The following ATG9A variants were observed in gnomAD, a reference collection of about 807,000 sequenced individuals.
The protein encoded by ATG9A is autophagy related 9A, also known as autophagy-related protein 9A.
In ATG9A, 21 loss-of-function variants were observed where a neutral mutation model predicts 87.1. The ratio of observed to expected loss-of-function variants is 0.24; its 90% CI spans 0.17 to 0.35. The LOEUF (loss-of-function observed/expected upper bound fraction) is 0.35. Among genes scored for constraint, ATG9A ranks in the 10% least tolerant of loss-of-function variants. ATG9A has a pLI of 1.00. For synonymous variants in ATG9A, 422 were observed against 441.3 expected (o/e 0.96, Z 0.55); for missense variants, 836 against 1,107.3 (o/e 0.76, Z 3.48).
Position 219,224,809 on chromosome 2 carries a change from C to T in ATG9A, c.562G>A (p.Val188Met), listed in dbSNP as rs201418627. The change falls in exon 8 of 16, where the codon GTG (valine) becomes ATG (methionine). Residue 188 changes from valine (V) to methionine (M), a missense_variant. Coordinates refer to ENST00000361242, the MANE Select transcript of ATG9A (RefSeq NM_001077198.3). This position sits in a 1 kb window ranked among gnomAD's most constrained non-coding sequence, Gnocchi z 7.7. ...ATCTGGTGCTCCTTCTGCGTCTGCA[C>T]GATCCGGGCCTGCACTTCTTGCCAC... is the stretch of plus-strand genomic sequence containing the variant. ...CTWQEVQARI[V>M]QTQKEHQICI... 40 of 1,614,012 alleles carry T rather than the reference C, an allele frequency of 2.5e-5. No individual in the cohort carries two copies. Among genetic ancestry groups the T allele is most frequent in the Middle Eastern group, 1.6e-4 (1 of 6,084 alleles).
Position 219,222,268 on chromosome 2 carries a change from T to A in ATG9A, c.2027+4A>T. The A allele has an allele frequency of 6.2e-7, 1 of 1,613,428 alleles. No individual in the cohort carries two copies. The highest frequency in any genetic ancestry group is 1.7e-4 in the Middle Eastern group (1 of 6,060). On this transcript the variant is annotated splice_donor_region_variant and intron_variant, in intron 12 of 15. Transcript: ENST00000361242. The surrounding 1 kb of genome is among the most constrained non-coding windows in gnomAD (Gnocchi z 4.3). The stretch of plus-strand genomic sequence containing the variant: ...CCCTCCCATCTTGGCCCCGATTTAC[T>A]CACCCAGAGCCTGTCATGGTGCTGT...
At position 219,227,935 on chromosome 2, in the gene ATG9A, G is replaced by C. The variant is rs774573448; in HGVS notation, c.90C>G (p.Ala30=). 5 of 1,613,914 alleles carry C rather than the reference G, an allele frequency of 3.1e-6. No individual in the cohort carries two copies. Among genetic ancestry groups the C allele is most frequent in the African/African-American group, 2.7e-5 (2 of 74,866 alleles). ...CCAAGAACTCACACTTGCTCCCCTCGGCGACGTGCACCAACAGGTCCTCCT... is the reference window on the plus strand; with the variant it reads ...CCAAGAACTCACACTTGCTCCCCTCCGCGACGTGCACCAACAGGTCCTCCT... The part of the protein sequence containing the change: ...PGEEDLLVHV[A]EGSKSPWHHI... Residue 30 remains alanine, a synonymous_variant, in exon 3 of 16, where the codon GCC becomes GCG. Transcript: ENST00000361242.
rs1194405764 is a variant in ATG9A at position 219,224,264 on chromosome 2, C to T, written c.1107G>A (p.Leu369=). ...TGGCCAGCAGTGTCAAAAGAGGTGACAAGAAGCAATTCATGTACTTGGAGG... is the reference window on the plus strand; with the variant it reads ...TGGCCAGCAGTGTCAAAAGAGGTGATAAGAAGCAATTCATGTACTTGGAGG... The part of the protein sequence containing the change: ...KPASKYMNCF[L]SPLLTLLAKN... The change falls in exon 8 of 16, where the codon TTG becomes TTA. Residue 369 remains leucine, a synonymous_variant. Transcript: ENST00000361242. This position sits in a 1 kb window ranked among gnomAD's most constrained non-coding sequence, Gnocchi z 7.7. 6.2e-7 allele frequency: 1 copy of T among 1,613,866 alleles called. No homozygotes were observed. The highest frequency in any genetic ancestry group is 1.3e-5 in the African/African-American group (1 of 74,914).
At chr2:219,227,868 C>G in intron 3 of ATG9A, 54 bp downstream of exon 3, 2 of 1,612,614 alleles carry the variant, frequency 1.2e-6, no homozygotes, top group Non-Finnish European at 1.7e-6. Flanking sequence ...GCCCCTTGCT[C>G]TCTCCATGTT....
In ATG9A at chr2:219,222,176, C is replaced by T. The variant is rs757779244; in HGVS notation, c.2028-9G>A. 3.7e-6 allele frequency: 6 copies of T among 1,613,414 alleles called. No individual in the cohort carries two copies. Among genetic ancestry groups the T allele is most frequent in the Middle Eastern group, 1.6e-4 (1 of 6,084 alleles). ...CTGTCCTGGCATCCACCCTGTCTCT[C>T]CCAACAGAGACAGACAGCAGCTGTG... is the stretch of plus-strand genomic sequence containing the variant. On this transcript the variant is annotated splice_polypyrimidine_tract_variant and intron_variant, in intron 12 of 15. Transcript: ENST00000361242. The surrounding 1 kb of genome is among the most constrained non-coding windows in gnomAD (Gnocchi z 4.3).
intron 4 of ATG9A, 74 bp downstream of exon 4, chr2:219,227,696 C>G: frequency 6.4e-7 from 1 of 1,550,868 alleles, no homozygotes; most frequent in Non-Finnish European, 8.9e-7. Context: ...AACCTACCCC[C>G]ACCTCCCACC....
intron 3 of ATG9A, 43 bp downstream of exon 3, chr2:219,227,879 C>A (rs186205160): frequency 6.2e-7 from 1 of 1,612,856 alleles, no homozygotes; most frequent in African/African-American, 1.3e-5. Flanking sequence ...TCTCCATGTT[C>A]TTCCATCAAC....
In ATG9A at chr2:219,227,811, G is replaced by C; in HGVS notation, c.106C>G (p.Pro36Ala). ...TCAAGGTTTTCAATATGGTGCCAAG[G>C]TGCTGTGGGATAGGAACAGAGATGT... ...LVHVAEGSKSPWHHIENLDLF... is the reference protein window; with the variant it reads ...LVHVAEGSKSAWHHIENLDLF... Residue 36 changes from proline to alanine, a missense_variant and splice_region_variant, in exon 4 of 16, where the codon CCT becomes GCT. Physicochemically the swap from Pro to Ala is conservative, Grantham distance 27. Around this residue, in one of 2 missense-constraint regions of ATG9A, gnomAD observed 512 missense variants for 759.6 expected, o/e 0.67. Coordinates refer to ENST00000361242, the MANE Select transcript of ATG9A (RefSeq NM_001077198.3). 6.2e-7 allele frequency: 1 copy of C among 1,614,134 alleles called. No individual in the cohort carries two copies. Among genetic ancestry groups the C allele is most frequent in the South Asian group, 1.1e-5 (1 of 91,086 alleles).
intron 13 of ATG9A, among the ~76,000 whole-genome samples, chr2:219,221,551 T>C (rs1950759777): frequency 6.6e-6 from 1 of 152,152 alleles, no homozygotes; most frequent in African/African-American, 2.4e-5. Flanking sequence ...AGGAACAAAC[T>C]GACTGACGGT....
In ATG9A at chr2:219,229,461, T is replaced by TA. The variant is rs1950959069; in HGVS notation, c.-82+73dup. The TA allele has an allele frequency of 6.6e-6, 1 of 152,302 alleles. No homozygotes were observed. The highest frequency in any genetic ancestry group is 2.4e-5 in the African/African-American group (1 of 41,354). 9.4% of individuals were successfully genotyped at this position (152,302 alleles called of 1,614,324 possible). A position where few individuals can be genotyped will look rare whatever the true frequency, so the allele number is the denominator to read the frequency against. On this transcript the variant is annotated intron_variant, in intron 1 of 15. Transcript: ENST00000361242. The surrounding 1 kb of genome is among the most constrained non-coding windows in gnomAD (Gnocchi z 4.2). ...CTCCGTTACCCGCCGCGAGCTCACT[T>TA]AGGGCTCCGCAGGCACCCCTGGGCA...
In ATG9A at chr2:219,225,215, G is replaced by C. The variant is rs760263013; in HGVS notation, c.375-3C>G. The C allele has an allele frequency of 6.2e-7, 1 of 1,614,140 alleles. No individual in the cohort carries two copies. Among genetic ancestry groups the C allele is most frequent in the Non-Finnish European group, 8.5e-7 (1 of 1,180,014 alleles). On this transcript the variant is annotated splice_polypyrimidine_tract_variant and splice_region_variant and intron_variant, in intron 6 of 15. Transcript: ENST00000361242. Reference sequence around the variant, plus strand: ...TAAGGGAGCCATTTTCCTGAATCCTGGTGGGGAAAAAGAAGGGGAGGAGAG... The same window carrying C: ...TAAGGGAGCCATTTTCCTGAATCCTCGTGGGGAAAAAGAAGGGGAGGAGAG...
chr2:219,225,281 C>A, intron 6 of ATG9A, 69 bp from the exon 7 acceptor site: 1 of 1,607,604 alleles, frequency 6.2e-7, no homozygotes, highest in African/African-American at 1.3e-5. Context: ...ACGCTGCTAT[C>A]CTGAAGTATT....
At position 219,223,758 on chromosome 2, in the gene ATG9A, T is replaced by C; in HGVS notation, c.1426A>G (p.Ile476Val). 3 of 1,612,872 alleles carry C rather than the reference T, an allele frequency of 1.9e-6. No homozygotes were observed. The highest frequency in any genetic ancestry group is 1.1e-5 in the South Asian group (1 of 91,030). Reference sequence around the variant, plus strand: ...ATGGGGCTCAGCAACTCTTCCAAAATGAACACCTAAAAGGGCGGGACCAAG... The same window carrying C: ...ATGGGGCTCAGCAACTCTTCCAAAACGAACACCTAAAAGGGCGGGACCAAG... ...AQLFQYKAVF[I>V]LEELLSPIVT... Residue 476 changes from isoleucine (I) to valine (V), a missense_variant, in exon 10 of 16, where the codon ATT becomes GTT. Transcript: ENST00000361242. This position sits in a 1 kb window ranked among gnomAD's most constrained non-coding sequence, Gnocchi z 4.7.
At position 219,222,935 on chromosome 2, in the gene ATG9A, A is replaced by G; in HGVS notation, c.1600-42T>C. ...AGAGTAAGCAGGGCTGTTCTCTTCCAGGAGCCTTCCTGCACCTTTCCTGTT... is the reference window on the plus strand; with the variant it reads ...AGAGTAAGCAGGGCTGTTCTCTTCCGGGAGCCTTCCTGCACCTTTCCTGTT... On this transcript the variant is annotated intron_variant, in intron 10 of 15. Transcript: ENST00000361242. This position sits in a 1 kb window ranked among gnomAD's most constrained non-coding sequence, Gnocchi z 4.3. 6.2e-7 allele frequency: 1 copy of G among 1,608,554 alleles called. No individual in the cohort carries two copies. Among genetic ancestry groups the G allele is most frequent in the South Asian group, 1.1e-5 (1 of 90,842 alleles).
chr2:219,226,942 G>C lies in ATG9A; in HGVS notation c.148-9C>G, dbSNP rs761072499. 1.9e-6 allele frequency: 3 copies of C among 1,611,200 alleles called. No homozygotes were observed. The Admixed American group carries it at 5.0e-5, about 27-fold the overall frequency. The stretch of plus-strand genomic sequence containing the variant: ...TGGTGCAGATTATAAACGTGTAATT[G>C]TTAAGAAAAAGTAGTCAGTAAAGAA... On this transcript the variant is annotated splice_polypyrimidine_tract_variant and intron_variant, in intron 4 of 15. Coordinates refer to ENST00000361242, the MANE Select transcript of ATG9A (RefSeq NM_001077198.3).
Position 219,221,074 on chromosome 2 carries a change from G to A in ATG9A, c.2368+6C>T. 1 of 1,612,500 alleles carries A rather than the reference G, an allele frequency of 6.2e-7. No homozygotes were observed. Among genetic ancestry groups the A allele is most frequent in the Non-Finnish European group, 8.5e-7 (1 of 1,179,314 alleles). On this transcript the variant is annotated splice_donor_region_variant and intron_variant, in intron 14 of 15. Coordinates refer to ENST00000361242, the MANE Select transcript of ATG9A (RefSeq NM_001077198.3). ...CTCTGTTTCCTCCTATACCCCCACTGGATACCTGTGATGCCACCGTAGCGC... is the reference window on the plus strand; with the variant it reads ...CTCTGTTTCCTCCTATACCCCCACTAGATACCTGTGATGCCACCGTAGCGC...
At position 219,223,087 on chromosome 2, in the gene ATG9A, C is replaced by CTTTTT. The variant is rs34309756; in HGVS notation, c.1600-199_1600-195dup. Among the ~76,000 whole-genome samples, 2 of 134,870 alleles carry CTTTTT rather than the reference C, an allele frequency of 1.5e-5. No homozygotes were observed. The highest frequency in any genetic ancestry group is 3.2e-5 in the Non-Finnish European group (2 of 63,108). 88.5% of individuals were successfully genotyped at this position (134,870 alleles called of 152,430 possible). A position where few individuals can be genotyped will look rare whatever the true frequency, so the allele number is the denominator to read the frequency against. On this transcript the variant is annotated intron_variant, in intron 10 of 15. Transcript: ENST00000361242. The surrounding 1 kb of genome is among the most constrained non-coding windows in gnomAD (Gnocchi z 4.7). ...GCTGAGCCAGTTACTTGTGTTGTGC[C>CTTTTT]TTTTTTTTTTTTTTTTTTGAGATGG...
intron 6 of ATG9A, 30 bp from the exon 7 acceptor site, chr2:219,225,242 T>C: frequency 6.2e-7 from 1 of 1,613,198 alleles, no homozygotes; most frequent in Non-Finnish European, 8.5e-7. Flanking sequence ...GGAGGAGAGG[T>C]GGCCCTCGAG....
Position 219,224,452 on chromosome 2 carries a change from A to G in ATG9A, c.919T>C (p.Trp307Arg). ...CTGAAGAAGGCATAGAGGATTTGCCATATGAGGATGAGGGGGCACAGCAGG... is the reference window on the plus strand; with the variant it reads ...CTGAAGAAGGCATAGAGGATTTGCCGTATGAGGATGAGGGGGCACAGCAGG... ...NFLLCPLILI[W>R]QILYAFFSYA... Residue 307 changes from tryptophan to arginine, a missense_variant, in exon 8 of 16, where the codon TGG becomes CGG. Physicochemically the swap from Trp to Arg is moderately radical, Grantham distance 101. Coordinates refer to ENST00000361242, the MANE Select transcript of ATG9A (RefSeq NM_001077198.3). This position sits in a 1 kb window ranked among gnomAD's most constrained non-coding sequence, Gnocchi z 7.7. The G allele has an allele frequency of 1.2e-6, 2 of 1,614,160 alleles. No homozygotes were observed. Among genetic ancestry groups the G allele is most frequent in the South Asian group, 2.2e-5 (2 of 91,080 alleles).
Sources: allele counts gnomAD v4.1 joint callset (sites outside exome capture counted in the v4.1 genomes callset), GRCh38; gene constraint gnomAD v4.1.1; regional missense constraint gnomAD v4.1.1; non-coding constraint Gnocchi (gnomAD v3.1); transcripts MANE v1.5; gene names NCBI Gene and HGNC (gene_info 2026-07-23, HGNC 2026-07-21).